The following ADGRG6 variants were observed in gnomAD, a reference collection of about 807,000 sequenced individuals.
The protein encoded by ADGRG6 is G-protein coupled receptor 126.
A neutral mutation model predicts 142.4 loss-of-function variants in ADGRG6; 84 were observed. That is an observed-to-expected ratio of 0.59 (90% confidence interval 0.49 to 0.71). ADGRG6 has a LOEUF of 0.71. Among genes scored for constraint, ADGRG6 ranks in the 30% least tolerant of loss-of-function variants. The probability of loss-of-function intolerance (pLI) is 0.00; values close to 1 mark genes in which losing one functional copy is unlikely to be tolerated. For synonymous variants in ADGRG6, 521 were observed against 520.5 expected (o/e 1.00, Z -0.01); for missense variants, 1,367 against 1,466.6 (o/e 0.93, Z 1.11).
chr6:142,411,262 A>G (rs1342389306), intron 17 of ADGRG6, 43 bp from the exon 18 acceptor site: 15 of 1,052,232 alleles, frequency 1.4e-5, no homozygotes, highest in Non-Finnish European at 2.1e-5. Context: ...TAGAGAAGAA[A>G]CTGACCTGCT....
intron 11 of ADGRG6, among the ~76,000 whole-genome samples, chr6:142,401,437 A>G (rs1181552663): frequency 6.6e-6 from 1 of 152,208 alleles, no homozygotes; most frequent in Admixed American, 6.5e-5. Flanking sequence ...TACTTGGCCA[A>G]TGTATCCTAG....
intron 2 of ADGRG6, among the ~76,000 whole-genome samples, chr6:142,313,361 A>C (rs1777864197): frequency 6.6e-6 from 1 of 152,024 alleles, no homozygotes; most frequent in Admixed American, 6.6e-5. Context: ...GAATGATGAT[A>C]TCTCAAGCAG....
At chr6:142,423,855 G>A (rs1776795840) in intron 22 of ADGRG6, among the ~76,000 whole-genome samples, 1 of 142,704 alleles carries the variant, frequency 7.0e-6, no homozygotes, top group Non-Finnish European at 1.5e-5. Flanking sequence ...TTGAGCAGTG[G>A]TTTGTAGTTC....
At chr6:142,439,716 G>C (rs1777650955) in intron 24 of ADGRG6, among the ~76,000 whole-genome samples, 1 of 152,100 alleles carries the variant, frequency 6.6e-6, no homozygotes. Context: ...TTGAATGAAG[G>C]CTGTTGATTC....
chr6:142,390,309 CTGAGGTA>C lies in ADGRG6; in HGVS notation c.1275_1281del (p.Glu426LysfsTer30). The C allele has an allele frequency of 6.2e-7, 1 of 1,601,130 alleles. No homozygotes were observed. The highest frequency in any genetic ancestry group is 8.5e-7 in the Non-Finnish European group (1 of 1,170,802). Reference sequence around the variant, plus strand: ...GTGATTCAGAACATCCTTCGTCACCCTGAGGTAAAAGTACAGAGCAAGGTGGCAGAAT... The same window carrying C: ...GTGATTCAGAACATCCTTCGTCACCCAAAGTACAGAGCAAGGTGGCAGAAT... On this transcript the variant is annotated frameshift_variant, in exon 7 of 25. Coordinates refer to ENST00000367609, the MANE Select transcript of ADGRG6 (RefSeq NM_198569.3). LOFTEE classifies it high-confidence loss of function.
chr6:142,391,555 A>C (rs1374338560), intron 7 of ADGRG6, among the ~76,000 whole-genome samples: 1 of 151,746 alleles, frequency 6.6e-6, no homozygotes, highest in Admixed American at 6.6e-5. Flanking sequence ...TTTAAAAAAA[A>C]GTTGACCATA....
intron 21 of ADGRG6, among the ~76,000 whole-genome samples, chr6:142,418,441 G>A (rs1250503979): frequency 6.6e-6 from 1 of 152,072 alleles, no homozygotes; most frequent in African/African-American, 2.4e-5. Flanking sequence ...AATGGGGCTA[G>A]GTGAGGAATT....
intron 22 of ADGRG6, among the ~76,000 whole-genome samples, chr6:142,423,270 G>A (rs1329522151): frequency 2.1e-5 from 3 of 143,738 alleles, no homozygotes; most frequent in East Asian, 2.1e-4. Context: ...TAATGCCTAG[G>A]TTTTCTTCTA....
chr6:142,414,302 C>A (rs1183535542), intron 18 of ADGRG6, among the ~76,000 whole-genome samples: 1 of 152,104 alleles, frequency 6.6e-6, no homozygotes, highest in Non-Finnish European at 1.5e-5. Flanking sequence ...TTACTTCTTT[C>A]CACTCCACAA....
chr6:142,399,518 C>A (rs562535547), intron 10 of ADGRG6, among the ~76,000 whole-genome samples: 1 of 152,226 alleles, frequency 6.6e-6, no homozygotes, highest in African/African-American at 2.4e-5. Flanking sequence ...GACTGGAGAA[C>A]CCTAGGAGGA....
chr6:142,376,716 C>G (rs1356116895), intron 4 of ADGRG6, among the ~76,000 whole-genome samples: 1 of 152,096 alleles, frequency 6.6e-6, no homozygotes, highest in Non-Finnish European at 1.5e-5. Flanking sequence ...GGACTTTATA[C>G]TCTGAGGATG....
chr6:142,354,228 A>C (rs551959960), intron 2 of ADGRG6, among the ~76,000 whole-genome samples: 54 of 152,250 alleles, frequency 3.5e-4, no homozygotes, highest in African/African-American at 1.3e-3. Flanking sequence ...AAAAATACAA[A>C]ATTAGCTGGG....
chr6:142,375,706 C>T (rs1440139065), intron 4 of ADGRG6, among the ~76,000 whole-genome samples: 3 of 152,022 alleles, frequency 2.0e-5, no homozygotes, highest in Non-Finnish European at 4.4e-5. Flanking sequence ...ACTGAATGGA[C>T]AATGTCTGCT....
In ADGRG6 at chr6:142,351,953, T is replaced by A. The variant is rs946115624; in HGVS notation, c.104-15616T>A. On this transcript the variant is annotated intron_variant, in intron 2 of 24. Transcript: ENST00000367609. ...AGTCATAATGGCCATTATTAAAAAG[T>A]TAAAAAACAACAGATGCTAGTGAGT... 2.0e-5 allele frequency among the ~76,000 whole-genome samples: 3 copies of A among 152,210 alleles called. No individual in the cohort carries two copies. In the South Asian group the frequency reaches 6.2e-4, roughly 32 times the overall value.
intron 22 of ADGRG6, among the ~76,000 whole-genome samples, chr6:142,432,716 T>G (rs1350567931): frequency 6.6e-6 from 1 of 152,232 alleles, no homozygotes; most frequent in Non-Finnish European, 1.5e-5. Context: ...GTCTTATCTT[T>G]AACTTTATCC....
In ADGRG6 at chr6:142,370,808, T is replaced by C. The variant is rs761348084; in HGVS notation, c.1069+15T>C. ...CCTAAGCTGTGGTGAGTTTGTAGCG[T>C]ATTCCTTTTTTTTTTTTTTTTTAGC... On this transcript the variant is annotated intron_variant, in intron 4 of 24. Transcript: ENST00000367609. The C allele has an allele frequency of 1.9e-6, 3 of 1,597,330 alleles. No individual in the cohort carries two copies. Among genetic ancestry groups the C allele is most frequent in the Non-Finnish European group, 2.6e-6 (3 of 1,172,178 alleles).
At chr6:142,307,662 G>C (rs967487274) in intron 1 of ADGRG6, among the ~76,000 whole-genome samples, 1 of 152,046 alleles carries the variant, frequency 6.6e-6, no homozygotes, top group East Asian at 1.9e-4. Context: ...GGCACCAGGA[G>C]GTAAGTTGTT....
intron 5 of ADGRG6, among the ~76,000 whole-genome samples, chr6:142,382,981 T>C (rs1781840309): frequency 1.3e-5 from 2 of 150,504 alleles, no homozygotes. Context: ...CAATACCCTA[T>C]GAAAATTAAG....
chr6:142,365,264 G>A (rs1215840907), intron 2 of ADGRG6, among the ~76,000 whole-genome samples: 3 of 152,168 alleles, frequency 2.0e-5, no homozygotes, highest in Non-Finnish European at 4.4e-5. Flanking sequence ...ATGTTCCAGA[G>A]CACATGTACT....
Sources: allele counts gnomAD v4.1 joint callset (sites outside exome capture counted in the v4.1 genomes callset), GRCh38; gene constraint gnomAD v4.1.1; transcripts MANE v1.5; gene names NCBI Gene and HGNC (gene_info 2026-07-23, HGNC 2026-07-21).